The following UVRAG variants were observed in gnomAD, a reference collection of about 807,000 sequenced individuals.
UVRAG encodes UV radiation resistance associated.
UVRAG carries 19 observed loss-of-function variants against 78.0 expected under a neutral mutation model. The ratio of observed to expected loss-of-function variants is 0.24; its 90% confidence interval spans 0.17 to 0.36. The LOEUF (loss-of-function observed/expected upper bound fraction) is 0.36, where lower values mean the gene tolerates loss of function less well. UVRAG is among the 10% of genes least tolerant of loss of function. UVRAG has a pLI of 1.00. For missense variants in UVRAG, 740 were observed against 853.8 expected, an observed-to-expected ratio of 0.87 and a Z score of 1.66; for synonymous variants, 323 against 324.6, an observed-to-expected ratio of 1.00 and a Z score of 0.05.
At chr11:76,010,446 G>C (rs1013690957) in intron 11 of UVRAG, among the ~76,000 whole-genome samples, 2 of 152,112 alleles carry the variant, frequency 1.3e-5, no homozygotes, top group Non-Finnish European at 2.9e-5. Flanking sequence ...ACCTCTCTAA[G>C]GAGAAATATA....
chr11:75,926,440 T>C (rs1224904072), intron 6 of UVRAG, among the ~76,000 whole-genome samples: 40 of 152,216 alleles, frequency 2.6e-4, no homozygotes, highest in Admixed American at 2.6e-3. Flanking sequence ...GATTCTTTGA[T>C]TCTAATGACA....
chr11:75,851,261 A>C lies in UVRAG; in HGVS notation c.118-622A>C, dbSNP rs575469907. On this transcript the variant is annotated intron_variant, in intron 1 of 14. Coordinates refer to ENST00000356136, the MANE Select transcript of UVRAG (RefSeq NM_003369.4). The stretch of plus-strand genomic sequence containing the variant: ...TAAACTTATGATTTCAAATCATTAA[A>C]GAGTCTGGTTGGAGAAATTGTTAGG... Among the ~76,000 whole-genome samples the C allele has an allele frequency of 4.4e-3, 666 of 152,364 alleles. 3 individuals are homozygous for C. The highest frequency in any genetic ancestry group is 0.015 in the African/African-American group (612 of 41,594).
chr11:76,063,927 A>G (rs1191091615), intron 12 of UVRAG, among the ~76,000 whole-genome samples: 1 of 152,254 alleles, frequency 6.6e-6, no homozygotes, highest in Non-Finnish European at 1.5e-5. Context: ...AGATGAATGC[A>G]TGATAGTTAT....
At chr11:76,048,012 C>G (rs1182949739) in intron 12 of UVRAG, among the ~76,000 whole-genome samples, 1 of 152,140 alleles carries the variant, frequency 6.6e-6, no homozygotes, top group African/African-American at 2.4e-5. Context: ...ATCCAGCAAG[C>G]ACTTAGAAAA....
chr11:75,924,148 A>T (rs1234088100), intron 6 of UVRAG, among the ~76,000 whole-genome samples: 1 of 152,230 alleles, frequency 6.6e-6, no homozygotes, highest in East Asian at 1.9e-4. Context: ...TTGTTAAATG[A>T]ATGAATGAAG....
At chr11:76,124,408 C>CTA in intron 14 of UVRAG, among the ~76,000 whole-genome samples, 1 of 152,182 alleles carries the variant, frequency 6.6e-6, no homozygotes. Context: ...AGGAATATTC[C>CTA]TATACATTGT....
At chr11:75,831,708 G>A (rs1945662494) in intron 1 of UVRAG, among the ~76,000 whole-genome samples, 2 of 152,222 alleles carry the variant, frequency 1.3e-5, no homozygotes, top group South Asian at 4.1e-4. Flanking sequence ...CTTAGAGGAG[G>A]ACGGTGGAAA....
At chr11:76,104,225 TAAAC>T (rs1352431475) in intron 13 of UVRAG, among the ~76,000 whole-genome samples, 1 of 152,146 alleles carries the variant, frequency 6.6e-6, no homozygotes, top group African/African-American at 2.4e-5. Flanking sequence ...ATGACATAAG[TAAAC>T]AGTCTAGTTC....
intron 3 of UVRAG, among the ~76,000 whole-genome samples, chr11:75,877,822 G>A (rs1444814362): frequency 1.5e-5 from 2 of 132,608 alleles, no homozygotes; most frequent in Non-Finnish European, 1.6e-5. Flanking sequence ...GGGCAGAGGC[G>A]CCCCTCACCT....
At chr11:76,017,337 A>G (rs1343634903) in intron 12 of UVRAG, among the ~76,000 whole-genome samples, 1 of 152,186 alleles carries the variant, frequency 6.6e-6, no homozygotes, top group African/African-American at 2.4e-5. Context: ...TCAGAGATCT[A>G]ACTAGGAAAA....
intron 6 of UVRAG, among the ~76,000 whole-genome samples, chr11:75,951,325 ATGTG>A (rs71036071): frequency 0.054 from 8,025 of 149,446 alleles, 452 homozygotes; most frequent in African/African-American, 0.15. Context: ...ATAATCTGAA[ATGTG>A]TGTGTGTGTG....
rs1293946404 is a variant in UVRAG, at chr11:75,852,844, A to G, written c.235+844A>G. 3.3e-5 allele frequency among the ~76,000 whole-genome samples: 5 copies of G among 152,228 alleles called. No homozygotes were observed. The East Asian group carries it at 9.6e-4, about 29-fold the overall frequency. ...TGCTAACAAAAGGTGACATCATTTT[A>G]ACAAAAGGTACTGAGACTTATTTGA... On this transcript the variant is annotated intron_variant, in intron 2 of 14. Coordinates refer to ENST00000356136, the MANE Select transcript of UVRAG (RefSeq NM_003369.4).
intron 13 of UVRAG, among the ~76,000 whole-genome samples, chr11:76,103,864 C>G (rs1951926119): frequency 6.6e-6 from 1 of 151,618 alleles, no homozygotes; most frequent in African/African-American, 2.4e-5. Context: ...TTTTAAAAGA[C>G]TAAATATGTA....
chr11:75,885,096 T>A (rs1476899329), intron 4 of UVRAG, among the ~76,000 whole-genome samples: 2 of 152,094 alleles, frequency 1.3e-5, no homozygotes, highest in African/African-American at 4.8e-5. Context: ...TAGATTTTTA[T>A]GCTAATTTAA....
At chr11:75,945,999 A>G (rs1263849666) in intron 6 of UVRAG, among the ~76,000 whole-genome samples, 2 of 152,054 alleles carry the variant, frequency 1.3e-5, no homozygotes, top group Non-Finnish European at 2.9e-5. Context: ...AGCCTGTATA[A>G]TGCTGTTATG....
rs75539304 is a variant in UVRAG, at chr11:76,131,599, C to T, written c.1398-9112C>T. 2.7e-3 allele frequency among the ~76,000 whole-genome samples: 409 copies of T among 152,310 alleles called. 1 individual carries two copies. The highest frequency in any genetic ancestry group is 9.2e-3 in the African/African-American group (383 of 41,572). ...TATTTAGACAGACTTTGGTAGGAAACCTTCCAAGCAAAGCCCCGGGGGAAA... is the reference window on the plus strand; with the variant it reads ...TATTTAGACAGACTTTGGTAGGAAATCTTCCAAGCAAAGCCCCGGGGGAAA... On this transcript the variant is annotated intron_variant, in intron 14 of 14. Coordinates refer to ENST00000356136, the MANE Select transcript of UVRAG (RefSeq NM_003369.4).
chr11:75,820,222 C>G (rs1945355669), intron 1 of UVRAG, among the ~76,000 whole-genome samples: 1 of 152,202 alleles, frequency 6.6e-6, no homozygotes, highest in South Asian at 2.1e-4. Flanking sequence ...AAGATATCCT[C>G]CCGCCTTGAC....
intron 1 of UVRAG, among the ~76,000 whole-genome samples, chr11:75,824,669 A>ATTT (rs1217028567): frequency 9.7e-4 from 115 of 118,644 alleles, no homozygotes; most frequent in East Asian, 2.7e-3. Flanking sequence ...GAAGTTTGTC[A>ATTT]TTTTTTTTTT....
At chr11:76,109,750 G>T (rs906315422) in intron 13 of UVRAG, among the ~76,000 whole-genome samples, 1 of 151,986 alleles carries the variant, frequency 6.6e-6, no homozygotes, top group Non-Finnish European at 1.5e-5. Context: ...TTTCCTCCTC[G>T]ACCTGGTTCC....
Sources: gnomAD v4.1 joint callset for allele counts (sites outside exome capture counted in the v4.1 genomes callset) on GRCh38, gnomAD v4.1.1 for gene constraint, MANE v1.5 for transcripts, NCBI Gene and HGNC (gene_info 2026-07-23, HGNC 2026-07-21) for gene names.